NUP210: variants seen among roughly 807,000 people sequenced by gnomAD.
NUP210 encodes nuclear pore membrane glycoprotein 210.
Under a neutral mutation model 196.0 loss-of-function variants are expected in NUP210, and 151 were observed. The ratio of observed to expected loss-of-function variants is 0.77; its 90% CI spans 0.67 to 0.88. NUP210 has a LOEUF of 0.88. NUP210 is among the 40% of genes least tolerant of loss of function. The probability of loss-of-function intolerance (pLI) is 0.00; values close to 1 mark genes in which losing one functional copy is unlikely to be tolerated. For synonymous variants in NUP210, 1,070 were observed against 1,052.7 expected, an observed-to-expected ratio of 1.02 and a Z score of -0.32; for missense variants, 2,314 against 2,493.7, an observed-to-expected ratio of 0.93 and a Z score of 1.53.
At chr3:13,355,476 GC>G (rs1698137429) in intron 16 of NUP210, among the ~76,000 whole-genome samples, 1 of 152,208 alleles carries the variant, frequency 6.6e-6, no homozygotes, top group Non-Finnish European at 1.5e-5. Flanking sequence ...AACTAGAGAG[GC>G]TCATGCAGCA....
intron 27 of NUP210, among the ~76,000 whole-genome samples, chr3:13,336,158 G>A (rs1447437088): frequency 4.6e-5 from 7 of 152,164 alleles, no homozygotes; most frequent in African/African-American, 1.2e-4. Flanking sequence ...CTGGGCTTTG[G>A]TCTCTTTCCA....
chr3:13,317,328 C>A lies in NUP210; in HGVS notation c.*353G>T, dbSNP rs1395252086. ...CACAGACAACTTCTAAAGAGCACTTCTAACTGCTCAAAGTCTTGAGAAGGG... is the reference window on the plus strand; with the variant it reads ...CACAGACAACTTCTAAAGAGCACTTATAACTGCTCAAAGTCTTGAGAAGGG... On this transcript the variant is annotated 3_prime_UTR_variant, in exon 40 of 40. Coordinates refer to ENST00000254508, the MANE Select transcript of NUP210 (RefSeq NM_024923.4). The A allele has an allele frequency of 3.2e-6, 1 of 309,722 alleles. No homozygotes were observed. 19.2% of individuals were successfully genotyped at this position (309,722 alleles called of 1,614,324 possible).
intron 20 of NUP210, 39 bp from the exon 21 acceptor site, chr3:13,343,342 G>GGGGGGGGGGGGGTGGGGGGGGGGGGGGT: frequency 1.5e-6 from 1 of 655,994 alleles, no homozygotes; most frequent in Non-Finnish European, 2.5e-6. Flanking sequence ...TGGGTGGTGG[G>GGGGGGGGGGGGGTGGGGGGGGGGGGGGT]TTACGCAGCT....
chr3:13,393,997 G>A (rs2124939991), intron 3 of NUP210, among the ~76,000 whole-genome samples: 1 of 152,328 alleles, frequency 6.6e-6, no homozygotes, highest in South Asian at 2.1e-4. Flanking sequence ...AGAATGAACT[G>A]ATTTCAGTTA....
At position 13,350,818 on chromosome 3, in the gene NUP210, G is replaced by A. The variant is rs1470994518; in HGVS notation, c.2835+1061C>T. Among the ~76,000 whole-genome samples, 3 of 149,570 alleles carry A rather than the reference G, an allele frequency of 2.0e-5. No individual in the cohort carries two copies. Among genetic ancestry groups the A allele is most frequent in the Admixed American group, 6.7e-5 (1 of 14,904 alleles). On this transcript the variant is annotated intron_variant, in intron 20 of 39. Transcript: ENST00000254508. This position sits in a 1 kb window ranked among gnomAD's most constrained non-coding sequence, Gnocchi z 4.1. ...ACGCCATCTCCTGCCTCAGCCTCCCGAGTAGCTGGGAATACAGGCGCCCGC... is the reference window on the plus strand; with the variant it reads ...ACGCCATCTCCTGCCTCAGCCTCCCAAGTAGCTGGGAATACAGGCGCCCGC...
chr3:13,358,122 A>C (rs1290244418), intron 16 of NUP210, 100 bp downstream of exon 16: 4 of 1,048,982 alleles, frequency 3.8e-6, no homozygotes, highest in Non-Finnish European at 5.6e-6. Flanking sequence ...GCGTGGAGCT[A>C]TGTCCGTTGC....
At chr3:13,353,776 T>G in intron 17 of NUP210, 116 bp from the exon 18 acceptor site, 1 of 1,240,078 alleles carries the variant, frequency 8.1e-7, no homozygotes, top group Non-Finnish European at 1.2e-6. Context: ...ACTGTGTGTG[T>G]TGAAACTATG....
rs1462382355 is a variant in NUP210 at position 13,323,712 on chromosome 3, T to C, written c.4645-280A>G. On this transcript the variant is annotated intron_variant, in intron 33 of 39. Coordinates refer to ENST00000254508, the MANE Select transcript of NUP210 (RefSeq NM_024923.4). This position sits in a 1 kb window ranked among gnomAD's most constrained non-coding sequence, Gnocchi z 4.3. ...GCGGGCCTGAATTCATTAATCGATC[T>C]GGGTGGGCTGAGGATTTTGGCTGTT... Among the ~76,000 whole-genome samples, 1 of 152,242 alleles carries C rather than the reference T, an allele frequency of 6.6e-6. No homozygotes were observed. Among genetic ancestry groups the C allele is most frequent in the African/African-American group, 2.4e-5 (1 of 41,460 alleles).
chr3:13,332,840 C>T (rs1374753286), intron 28 of NUP210, among the ~76,000 whole-genome samples: 4 of 152,186 alleles, frequency 2.6e-5, no homozygotes, highest in Non-Finnish European at 1.5e-5. Flanking sequence ...CCTCTCCCTC[C>T]GTGCCCAGTG....
rs1699697364 is a variant in NUP210 at position 13,397,454 on chromosome 3, C to G, written c.339G>C (p.Val113=). 2 of 1,612,552 alleles carry G rather than the reference C, an allele frequency of 1.2e-6. No homozygotes were observed. The highest frequency in any genetic ancestry group is 2.7e-5 in the African/African-American group (2 of 74,954). The part of the protein sequence containing the change: ...TGQVLRCDAI[V]DLIHDIQIVS... ...CGATCTGGATGTCATGGATGAGGTC[C>G]ACAATGGCATCACAGCGCAGGACCT... Residue 113 remains valine, a synonymous_variant, in exon 3 of 40, where the codon GTG becomes GTC. Coordinates refer to ENST00000254508, the MANE Select transcript of NUP210 (RefSeq NM_024923.4).
intron 13 of NUP210, among the ~76,000 whole-genome samples, chr3:13,366,833 T>TA (rs1215346293): frequency 2.9e-4 from 44 of 151,302 alleles, no homozygotes; most frequent in African/African-American, 1.0e-3. Context: ...TTTAAAAAAA[T>TA]ATTTAATTCA....
intron 9 of NUP210, 26 bp downstream of exon 9, chr3:13,377,430 C>G (rs778012400): frequency 1.9e-6 from 3 of 1,541,334 alleles, no homozygotes; most frequent in Admixed American, 1.7e-5. Context: ...CTCATCCCCC[C>G]AGCCAGGACC....
intron 5 of NUP210, among the ~76,000 whole-genome samples, chr3:13,387,454 C>T (rs1699312630): frequency 6.6e-6 from 1 of 152,236 alleles, no homozygotes; most frequent in Non-Finnish European, 1.5e-5. Context: ...TCTCTAAGTA[C>T]TACCTGCAGA....
At chr3:13,378,035 C>A (rs901285696) in intron 8 of NUP210, among the ~76,000 whole-genome samples, 2 of 152,232 alleles carry the variant, frequency 1.3e-5, no homozygotes, top group African/African-American at 4.8e-5. Context: ...AAGTCCTGAG[C>A]TGACCTCGCC....
At chr3:13,419,968 G>T in intron 1 of NUP210, 92 bp downstream of exon 1, 1 of 857,080 alleles carries the variant, frequency 1.2e-6, no homozygotes, top group Non-Finnish European at 1.4e-6. Context: ...CGCACCTGCC[G>T]GCTCTGCCGG....
At position 13,350,437 on chromosome 3, in the gene NUP210, AAAAAC is replaced by A. The variant is rs139729376; in HGVS notation, c.2835+1437_2835+1441del. On this transcript the variant is annotated intron_variant, in intron 20 of 39. Coordinates refer to ENST00000254508, the MANE Select transcript of NUP210 (RefSeq NM_024923.4). This position sits in a 1 kb window ranked among gnomAD's most constrained non-coding sequence, Gnocchi z 4.1. ...AGTTTCCAACAATTATAGGACATGA[AAAAAC>A]AAAACAAAACAAAACAAAACAAAAC... is the stretch of plus-strand genomic sequence containing the variant. Among the ~76,000 whole-genome samples the A allele has an allele frequency of 0.25, 35,784 of 145,248 alleles. 5,075 individuals are homozygous for A. The highest frequency in any genetic ancestry group is 0.4 in the East Asian group (1,974 of 4,942).
intron 36 of NUP210, among the ~76,000 whole-genome samples, chr3:13,320,644 A>C (rs1187288427): frequency 1.3e-4 from 20 of 149,258 alleles, no homozygotes; most frequent in African/African-American, 4.5e-4. Flanking sequence ...AAAAAAAAAA[A>C]AAAAAAACTT....
Position 13,420,168 on chromosome 3 carries a change from C to T in NUP210, c.59G>A (p.Gly20Asp). ...GAGCTTGGCCGCAGCGGCGGAGGGG[C>T]CCGCCGCCAACAGCACCGACAGCGT... ...LLTLSVLLAAGPSAAAAKLNI... is the reference protein window; with the variant it reads ...LLTLSVLLAADPSAAAAKLNI... The change falls in exon 1 of 40, where the codon GGC becomes GAC. Residue 20 changes from glycine (G) to aspartate (D), a missense_variant. Transcript: ENST00000254508. This position sits in a 1 kb window ranked among gnomAD's most constrained non-coding sequence, Gnocchi z 4.8. 7.8e-7 allele frequency: 1 copy of T among 1,278,070 alleles called. No homozygotes were observed. Among genetic ancestry groups the T allele is most frequent in the Non-Finnish European group, 1.0e-6 (1 of 995,032 alleles). The allele number at this position is 1,278,070 out of a possible 1,614,324, so 79.2% of individuals were successfully genotyped here.
intron 33 of NUP210, among the ~76,000 whole-genome samples, chr3:13,324,403 C>A (rs988703540): frequency 2.6e-5 from 4 of 152,212 alleles, no homozygotes; most frequent in African/African-American, 7.2e-5. Flanking sequence ...CTGCCGCACC[C>A]ACCCAGGTGT....
Sources: gnomAD v4.1 joint callset for allele counts (sites outside exome capture counted in the v4.1 genomes callset) on GRCh38, gnomAD v4.1.1 for gene constraint, Gnocchi (gnomAD v3.1) non-coding constraint, MANE v1.5 for transcripts, NCBI Gene and HGNC (gene_info 2026-07-23, HGNC 2026-07-21) for gene names.